Variants in FSTL5 observed in about 807,000 individuals in gnomAD.
FSTL5 encodes the protein follistatin like 5, also known as follistatin-related protein 5.
A neutral mutation model predicts 89.1 loss-of-function variants in FSTL5; 62 were observed. The ratio of observed to expected loss-of-function variants is 0.70; its 90% confidence interval spans 0.57 to 0.86. The LOEUF (loss-of-function observed/expected upper bound fraction) is 0.86. FSTL5 is among the 40% of genes least tolerant of loss of function. The pLI, the probability that FSTL5 is intolerant of heterozygous loss-of-function variation, is 0.00. For missense variants in FSTL5, 1,057 were observed against 1,001.6 expected (o/e 1.06, Z -0.75); for synonymous variants, 383 against 346.2 (o/e 1.11, Z -1.18).
At chr4:161,525,989 A>G (rs527268523) in intron 10 of FSTL5, among the ~76,000 whole-genome samples, 14 of 152,248 alleles carry the variant, frequency 9.2e-5, no homozygotes, top group Admixed American at 6.5e-4. Flanking sequence ...TCTTAAACCT[A>G]TAGGCTAGTT....
At chr4:162,022,846 C>G (rs1436046020) in intron 3 of FSTL5, 2 of 152,078 alleles carry the variant, frequency 1.3e-5, no homozygotes, top group Non-Finnish European at 2.9e-5. Flanking sequence ...ATCACATATT[C>G]TCACTCCTAA....
At chr4:161,652,672 C>A (rs1434316970) in intron 7 of FSTL5, among the ~76,000 whole-genome samples, 1 of 151,808 alleles carries the variant, frequency 6.6e-6, no homozygotes, top group Admixed American at 6.6e-5. Context: ...TTAAATATAG[C>A]AAATATAAAA....
At chr4:162,034,922 C>T (rs1333087645) in intron 2 of FSTL5, among the ~76,000 whole-genome samples, 1 of 152,144 alleles carries the variant, frequency 6.6e-6, no homozygotes, top group African/African-American at 2.4e-5. Context: ...TAAACTCACC[C>T]AACCTCTGTG....
At chr4:161,862,584 T>C (rs1335162148) in intron 4 of FSTL5, among the ~76,000 whole-genome samples, 1 of 151,966 alleles carries the variant, frequency 6.6e-6, no homozygotes, top group Non-Finnish European at 1.5e-5. Context: ...AATACAAAAT[T>C]AGCTGGGTGT....
intron 5 of FSTL5, among the ~76,000 whole-genome samples, chr4:161,763,184 G>T (rs1231753251): frequency 6.6e-6 from 1 of 152,068 alleles, no homozygotes; most frequent in Non-Finnish European, 1.5e-5. Context: ...GTCAGGCATT[G>T]TCCAAAACTC....
intron 15 of FSTL5, among the ~76,000 whole-genome samples, chr4:161,395,371 T>A (rs1410833199): frequency 6.6e-6 from 1 of 152,030 alleles, no homozygotes; most frequent in East Asian, 1.9e-4. Flanking sequence ...GAAAAATGAC[T>A]ATTAGCAACT....
At chr4:161,461,610 G>T (rs1244820544) in intron 13 of FSTL5, among the ~76,000 whole-genome samples, 3 of 151,828 alleles carry the variant, frequency 2.0e-5, no homozygotes, top group Non-Finnish European at 4.4e-5. Flanking sequence ...TGTTATTTAG[G>T]TAATTAAATA....
chr4:161,717,752 G>T (rs1739037563), intron 6 of FSTL5, among the ~76,000 whole-genome samples: 1 of 152,082 alleles, frequency 6.6e-6, no homozygotes, highest in African/African-American at 2.4e-5. Context: ...AGCATGAAAT[G>T]ATATTGTTAA....
chr4:161,811,869 T>G (rs1352471922), intron 4 of FSTL5, among the ~76,000 whole-genome samples: 1 of 152,190 alleles, frequency 6.6e-6, no homozygotes, highest in East Asian at 1.9e-4. Flanking sequence ...CCATTTCCAA[T>G]CGGATCTCAG....
intron 4 of FSTL5, among the ~76,000 whole-genome samples, chr4:161,907,623 T>C (rs1490499535): frequency 6.6e-6 from 1 of 152,094 alleles, no homozygotes; most frequent in East Asian, 1.9e-4. Context: ...AACTTCTGCA[T>C]ACATGGGTGC....
In FSTL5 at chr4:161,568,275, C is replaced by T. The variant is rs115252763; in HGVS notation, c.1015+19180G>A. Among the ~76,000 whole-genome samples the T allele has an allele frequency of 3.9e-3, 593 of 152,106 alleles. 2 individuals carry two copies. The highest frequency in any genetic ancestry group is 5.2e-3 in the African/African-American group (216 of 41,516). On this transcript the variant is annotated intron_variant, in intron 8 of 15. Transcript: ENST00000306100. ...GGAAGAAGAGAGTGGTGTTCTTTAC[C>T]GATCTCCTATATGTGCAACATCTGA...
At chr4:161,539,125 T>C (rs562253994) in intron 9 of FSTL5, among the ~76,000 whole-genome samples, 1 of 152,134 alleles carries the variant, frequency 6.6e-6, no homozygotes, top group East Asian at 1.9e-4. Context: ...CTTTCTTTTC[T>C]TTTTCTTTGT....
At chr4:162,045,807 A>G (rs1473840589) in intron 2 of FSTL5, among the ~76,000 whole-genome samples, 1 of 152,192 alleles carries the variant, frequency 6.6e-6, no homozygotes, top group African/African-American at 2.4e-5. Flanking sequence ...ATGGAAATAA[A>G]ATAAATAATT....
At chr4:162,143,765 A>G (rs1038047310) in intron 1 of FSTL5, among the ~76,000 whole-genome samples, 4 of 143,730 alleles carry the variant, frequency 2.8e-5, no homozygotes, top group Admixed American at 1.5e-4. Context: ...AAAAAAGGTT[A>G]CATTGTATCT....
At chr4:161,890,072 A>C (rs1349112135) in intron 4 of FSTL5, among the ~76,000 whole-genome samples, 2 of 152,230 alleles carry the variant, frequency 1.3e-5, no homozygotes, top group African/African-American at 4.8e-5. Flanking sequence ...TAAGATTTAC[A>C]AAATTAGTAC....
At chr4:161,879,656 A>C (rs1732562065) in intron 4 of FSTL5, among the ~76,000 whole-genome samples, 1 of 152,146 alleles carries the variant, frequency 6.6e-6, no homozygotes, top group African/African-American at 2.4e-5. Context: ...GAACCTTTTC[A>C]AGCTCTCTGC....
At chr4:161,524,917 C>T (rs1336864037) in intron 10 of FSTL5, among the ~76,000 whole-genome samples, 3 of 150,790 alleles carry the variant, frequency 2.0e-5, no homozygotes, top group East Asian at 2.0e-4. Flanking sequence ...GAGATCACGC[C>T]ACTGCACTCT....
chr4:162,152,373 A>G (rs893526137), intron 1 of FSTL5, among the ~76,000 whole-genome samples: 1 of 152,206 alleles, frequency 6.6e-6, no homozygotes, highest in Admixed American at 6.6e-5. Flanking sequence ...CACTTCTTTC[A>G]AGTCTTATTT....
chr4:161,436,456 A>ATTTATCCC, intron 15 of FSTL5, among the ~76,000 whole-genome samples: 1 of 152,232 alleles, frequency 6.6e-6, no homozygotes, highest in East Asian at 1.9e-4. Flanking sequence ...GGACATTTTC[A>ATTTATCCC]TGTGCCATGT....
Sources: gnomAD v4.1 joint callset for allele counts (sites outside exome capture counted in the v4.1 genomes callset) on GRCh38, gnomAD v4.1.1 for gene constraint, MANE v1.5 for transcripts, NCBI Gene and HGNC (gene_info 2026-07-23, HGNC 2026-07-21) for gene names.